The following NAALADL2 variants were observed in gnomAD, a reference collection of about 807,000 sequenced individuals.
The protein encoded by NAALADL2 is inactive N-acetylated-alpha-linked acidic dipeptidase-like protein 2.
In NAALADL2, 76 loss-of-function variants were observed where a neutral mutation model predicts 87.2. That is an observed-to-expected ratio of 0.87 (90% CI 0.72 to 1.05). NAALADL2 has a LOEUF of 1.05. Among genes scored for constraint, NAALADL2 ranks in the 50% least tolerant of loss-of-function variants. The pLI is 0.00. For missense variants in NAALADL2, 1,089 were observed against 945.8 expected, an observed-to-expected ratio of 1.15 and a Z score of -1.99; for synonymous variants, 354 against 331.0, an observed-to-expected ratio of 1.07 and a Z score of -0.75.
At chr3:174,596,840 G>T (rs1236163780) in intron 2 of NAALADL2, among the ~76,000 whole-genome samples, 1 of 152,082 alleles carries the variant, frequency 6.6e-6, no homozygotes, top group Non-Finnish European at 1.5e-5. Flanking sequence ...TTTTATTAAT[G>T]TCCCAAAGGA....
intron 3 of NAALADL2, among the ~76,000 whole-genome samples, chr3:174,841,074 A>T (rs1208778244): frequency 1.3e-5 from 2 of 151,894 alleles, no homozygotes; most frequent in South Asian, 4.1e-4. Flanking sequence ...AGGAAGAAAG[A>T]GAAAAAAGAA....
chr3:175,680,455 G>T (rs7428722), intron 11 of NAALADL2, among the ~76,000 whole-genome samples: 1 of 152,140 alleles, frequency 6.6e-6, no homozygotes, highest in Non-Finnish European at 1.5e-5. Context: ...ACAAGTAAAT[G>T]ATAATAGAGA....
intron 2 of NAALADL2, among the ~76,000 whole-genome samples, chr3:174,642,847 A>G (rs1299307189): frequency 3.4e-5 from 5 of 149,230 alleles, no homozygotes; most frequent in Non-Finnish European, 7.4e-5. Context: ...CTGTGATGCA[A>G]TCACAACTCA....
intron 1 of NAALADL2, among the ~76,000 whole-genome samples, chr3:175,064,861 T>G (rs2109103732): frequency 6.6e-6 from 1 of 152,266 alleles, no homozygotes. Context: ...TTGGCTTGGT[T>G]TTCATCAAAA....
At chr3:174,756,483 A>G (rs1247213103) in intron 3 of NAALADL2, among the ~76,000 whole-genome samples, 1 of 152,218 alleles carries the variant, frequency 6.6e-6, no homozygotes, top group East Asian at 1.9e-4. Context: ...TTATTTTTAT[A>G]ATGGCTTTAA....
intron 2 of NAALADL2, among the ~76,000 whole-genome samples, chr3:174,656,106 G>T (rs558318030): frequency 1.3e-5 from 2 of 152,182 alleles, no homozygotes; most frequent in Admixed American, 6.5e-5. Flanking sequence ...AGAAGGGCCT[G>T]GCAGAAGAGT....
chr3:174,824,935 A>G (rs1721819301), intron 3 of NAALADL2, among the ~76,000 whole-genome samples: 1 of 152,214 alleles, frequency 6.6e-6, no homozygotes, highest in Admixed American at 6.5e-5. Context: ...GCAATGAGAA[A>G]TAGAAGCCAA....
intron 1 of NAALADL2, among the ~76,000 whole-genome samples, chr3:174,539,628 A>C (rs1259496981): frequency 6.6e-6 from 1 of 152,112 alleles, no homozygotes; most frequent in Non-Finnish European, 1.5e-5. Context: ...CATTTCTGCG[A>C]ATTTATTTTT....
At chr3:175,208,671 G>A (rs1457938251) in intron 2 of NAALADL2, among the ~76,000 whole-genome samples, 1 of 152,044 alleles carries the variant, frequency 6.6e-6, no homozygotes, top group Non-Finnish European at 1.5e-5. Context: ...TTCCGATAAT[G>A]CATTTTTCCA....
chr3:175,786,094 T>C (rs1312130037), intron 13 of NAALADL2, among the ~76,000 whole-genome samples: 1 of 152,136 alleles, frequency 6.6e-6, no homozygotes, highest in Non-Finnish European at 1.5e-5. Context: ...GGGCTTCCCT[T>C]TGAGGGTAAC....
chr3:175,474,742 C>A (rs1342030773), intron 9 of NAALADL2, among the ~76,000 whole-genome samples: 1 of 152,094 alleles, frequency 6.6e-6, no homozygotes, highest in African/African-American at 2.4e-5. Flanking sequence ...CTTTTCCCTA[C>A]CTCTTCAGTG....
intron 1 of NAALADL2, among the ~76,000 whole-genome samples, chr3:174,918,610 G>A (rs1357388295): frequency 6.6e-6 from 1 of 152,144 alleles, no homozygotes; most frequent in Non-Finnish European, 1.5e-5. Context: ...GGACAATTGA[G>A]CTCTCTTCCA....
intron 1 of NAALADL2, among the ~76,000 whole-genome samples, chr3:174,869,888 T>A (rs1220669103): frequency 6.7e-6 from 1 of 150,078 alleles, no homozygotes; most frequent in African/African-American, 2.5e-5. Context: ...TCCAGCTACT[T>A]GGGAGGTTGA....
At chr3:175,115,425 C>T (rs72622552) in intron 2 of NAALADL2, among the ~76,000 whole-genome samples, 1 of 24,584 alleles carries the variant, frequency 4.1e-5, no homozygotes, top group Non-Finnish European at 7.3e-5. Flanking sequence ...AACTTAATTT[C>T]TTTTAATAAA....
At chr3:175,139,357 C>T (rs535273116) in intron 2 of NAALADL2, among the ~76,000 whole-genome samples, 6 of 152,056 alleles carry the variant, frequency 3.9e-5, no homozygotes, top group Admixed American at 3.3e-4. Context: ...TTCCTTTCTA[C>T]TTGGTAATTT....
At chr3:174,869,592 G>C (rs1404906089) in intron 1 of NAALADL2, among the ~76,000 whole-genome samples, 11 of 152,144 alleles carry the variant, frequency 7.2e-5, no homozygotes, top group Non-Finnish European at 2.9e-5. Flanking sequence ...CGAAGCAAAG[G>C]GTGAGTTTAT....
At chr3:174,622,769 G>C (rs558617740) in intron 2 of NAALADL2, among the ~76,000 whole-genome samples, 5 of 152,304 alleles carry the variant, frequency 3.3e-5, no homozygotes, top group African/African-American at 1.2e-4. Flanking sequence ...GGCCGGGCGC[G>C]GTGGCTCACG....
At chr3:175,186,565 A>G (rs1390494808) in intron 2 of NAALADL2, among the ~76,000 whole-genome samples, 1 of 152,166 alleles carries the variant, frequency 6.6e-6, no homozygotes, top group Non-Finnish European at 1.5e-5. Context: ...AGAAAGAGAT[A>G]AAGAGATTTA....
intron 4 of NAALADL2, among the ~76,000 whole-genome samples, chr3:175,323,351 G>A (rs1474755654): frequency 1.8e-5 from 2 of 112,312 alleles, no homozygotes; most frequent in African/African-American, 6.8e-5. Context: ...GGTGGGGGGA[G>A]GGGGGAGGGA....
Sources: gnomAD v4.1 joint callset for allele counts (sites outside exome capture counted in the v4.1 genomes callset) on GRCh38, gnomAD v4.1.1 for gene constraint, MANE v1.5 for transcripts, NCBI Gene and HGNC (gene_info 2026-07-23, HGNC 2026-07-21) for gene names.